The following C12orf42 variants were observed in gnomAD, a reference collection of about 807,000 sequenced individuals.
The protein encoded by C12orf42 is chromosome 12 open reading frame 42, also known as uncharacterized protein C12orf42.
C12orf42 carries 25 observed loss-of-function variants against 21.6 expected under a neutral mutation model. That is an observed-to-expected ratio of 1.16 (90% CI 0.84 to 1.62). The LOEUF (loss-of-function observed/expected upper bound fraction) is 1.62, where lower values mean the gene tolerates loss of function less well. Among genes scored for constraint, C12orf42 ranks in the 40% most tolerant of loss-of-function variants. C12orf42 has a pLI of 0.00. For synonymous variants in C12orf42, 174 were observed against 175.0 expected (o/e 0.99, Z 0.05); for missense variants, 483 against 459.3 (o/e 1.05, Z -0.47).
chr12:103,492,560 C>T (rs141011560), intron 1 of C12orf42, among the ~76,000 whole-genome samples: 25 of 152,348 alleles, frequency 1.6e-4, no homozygotes, highest in African/African-American at 5.8e-4. Flanking sequence ...TGATCATAAT[C>T]TTTAATGGTT....
At chr12:103,371,444 G>C (rs1226154699) in intron 3 of C12orf42, among the ~76,000 whole-genome samples, 1 of 152,152 alleles carries the variant, frequency 6.6e-6, no homozygotes, top group African/African-American at 2.4e-5. Context: ...AACTAAGGAA[G>C]GGTCAGAAAC....
chr12:103,256,002 A>G (rs1197681772), intron 10 of C12orf42, among the ~76,000 whole-genome samples: 3 of 136,998 alleles, frequency 2.2e-5, no homozygotes, highest in Non-Finnish European at 4.6e-5. Context: ...GCAGCGAGCC[A>G]AGATCCCGCC....
intron 1 of C12orf42, among the ~76,000 whole-genome samples, chr12:103,495,514 G>T (rs1955478384): frequency 6.6e-6 from 1 of 152,068 alleles, no homozygotes; most frequent in South Asian, 2.1e-4. Context: ...GCTGCGCGGG[G>T]CGCATTGTGG....
At chr12:103,324,088 G>A (rs35782114) in intron 4 of C12orf42, among the ~76,000 whole-genome samples, 1 of 152,102 alleles carries the variant, frequency 6.6e-6, no homozygotes, top group Non-Finnish European at 1.5e-5. Context: ...TTACTCTTTA[G>A]GTAGCAGTTG....
intron 2 of C12orf42, among the ~76,000 whole-genome samples, chr12:103,451,416 G>A (rs571143976): frequency 1.7e-4 from 26 of 151,954 alleles, no homozygotes; most frequent in East Asian, 5.8e-4. Context: ...GTCTGTCTAC[G>A]TTCCCAAGGC....
chr12:103,228,535 C>G, the C12orf42 span, among the ~76,000 whole-genome samples: 1 of 152,096 alleles, frequency 6.6e-6, no homozygotes, highest in African/African-American at 2.4e-5. Flanking sequence ...GATGGCTTGG[C>G]TTGGGCTCAG....
the C12orf42 span, chr12:103,506,013 C>A: frequency 5.0e-6 from 1 of 199,962 alleles, no homozygotes; most frequent in Non-Finnish European, 1.0e-5. Context: ...TCTTTGTACA[C>A]AGTCTCCTTC....
At chr12:103,149,761 G>A in the C12orf42 span, among the ~76,000 whole-genome samples, 1 of 152,158 alleles carries the variant, frequency 6.6e-6, no homozygotes, top group African/African-American at 2.4e-5. Context: ...CAGCCAAGTG[G>A]AATTGTAAGT....
At chr12:103,403,850 T>G (rs771141024) in intron 2 of C12orf42, among the ~76,000 whole-genome samples, 1 of 152,230 alleles carries the variant, frequency 6.6e-6, no homozygotes, top group South Asian at 2.1e-4. Flanking sequence ...AAGCACTGAA[T>G]GCTGTCCCAA....
At chr12:103,242,534 A>AT (rs960939053) in intron 10 of C12orf42, among the ~76,000 whole-genome samples, 1 of 151,916 alleles carries the variant, frequency 6.6e-6, no homozygotes, top group Non-Finnish European at 1.5e-5. Context: ...CATTTTTCAA[A>AT]TTTTTTTTCT....
the C12orf42 span, among the ~76,000 whole-genome samples, chr12:103,192,872 C>T: frequency 1.8e-4 from 23 of 129,744 alleles, no homozygotes; most frequent in African/African-American, 5.9e-4. Flanking sequence ...CTGACTTAAA[C>T]TACACTGTAG....
At chr12:103,081,767 A>G in the C12orf42 span, among the ~76,000 whole-genome samples, 5 of 152,150 alleles carry the variant, frequency 3.3e-5, no homozygotes, top group Non-Finnish European at 5.9e-5. Context: ...TGAATCAGAC[A>G]TTTGTAAAAT....
At chr12:103,393,743 G>T (rs963105393) in intron 3 of C12orf42, among the ~76,000 whole-genome samples, 1 of 151,998 alleles carries the variant, frequency 6.6e-6, no homozygotes, top group African/African-American at 2.4e-5. Context: ...ACAATTTATT[G>T]AATGAATGAA....
Position 103,302,159 on chromosome 12 carries a change from C to T in C12orf42, c.1032G>A (p.Thr344=). 1.2e-6 allele frequency: 2 copies of T among 1,610,334 alleles called. No homozygotes were observed. The highest frequency in any genetic ancestry group is 1.7e-5 in the Admixed American group (1 of 59,802). Residue 344 remains threonine, a synonymous_variant, in exon 6 of 6, where the codon ACG becomes ACA. Transcript: ENST00000548883. The part of the protein sequence containing the change: ...APPRPTRRFH[T]VCSQALSRPV... ...GCCTAGAAAGGGCCTGTGAACAAAC[C>T]GTATGGAAACGCCGGGTTGGGCGGG...
intron 4 of C12orf42, among the ~76,000 whole-genome samples, chr12:103,320,210 C>T (rs918551162): frequency 9.9e-5 from 15 of 152,132 alleles, no homozygotes; most frequent in African/African-American, 2.4e-4. Context: ...GCAGACATTA[C>T]GGTGAGAGAT....
At chr12:103,056,038 A>G in the C12orf42 span, among the ~76,000 whole-genome samples, 1 of 152,124 alleles carries the variant, frequency 6.6e-6, no homozygotes, top group Admixed American at 6.5e-5. Context: ...TTCTATACAT[A>G]GCGATTAGAT....
the C12orf42 span, among the ~76,000 whole-genome samples, chr12:103,058,921 C>T: frequency 6.6e-6 from 1 of 151,974 alleles, no homozygotes; most frequent in East Asian, 1.9e-4. Context: ...ATTAAAAGAA[C>T]TAGAGAAACA....
intron 10 of C12orf42, among the ~76,000 whole-genome samples, chr12:103,251,921 T>G (rs754540913): frequency 6.6e-6 from 1 of 152,176 alleles, no homozygotes; most frequent in Admixed American, 6.5e-5. Flanking sequence ...AGACAGAAAT[T>G]ACTTGGGGGC....
At chr12:103,206,056 C>G in the C12orf42 span, among the ~76,000 whole-genome samples, 2 of 152,244 alleles carry the variant, frequency 1.3e-5, no homozygotes, top group African/African-American at 4.8e-5. Flanking sequence ...TACTCTTGGC[C>G]ACGGGGAACT....
Sources: allele counts gnomAD v4.1 joint callset (sites outside exome capture counted in the v4.1 genomes callset), GRCh38; gene constraint gnomAD v4.1.1; transcripts MANE v1.5; gene names NCBI Gene and HGNC (gene_info 2026-07-23, HGNC 2026-07-21).